Variants in NCOR2 observed in about 807,000 individuals in gnomAD.
NCOR2 encodes nuclear receptor corepressor 2, also known as CTG repeat protein 26.
A neutral mutation model predicts 262.9 loss-of-function variants in NCOR2; 81 were observed. The ratio of observed to expected loss-of-function variants is 0.31; its 90% CI spans 0.26 to 0.37. NCOR2 has a LOEUF of 0.37. Among genes scored for constraint, NCOR2 ranks in the 10% least tolerant of loss-of-function variants. The probability of loss-of-function intolerance (pLI) is 1.00; values close to 1 mark genes in which losing one functional copy is unlikely to be tolerated. For missense variants in NCOR2, 3,385 were observed against 3,621.4 expected, an observed-to-expected ratio of 0.93 and a Z score of 1.68; for synonymous variants, 1,659 against 1,559.3, an observed-to-expected ratio of 1.06 and a Z score of -1.51.
At chr12:124,422,598 G>T (rs772069908) in intron 11 of NCOR2, 43 bp from the exon 14 acceptor site, 2 of 1,610,016 alleles carry the variant, frequency 1.2e-6, no homozygotes. Flanking sequence ...GCCGAGGGGG[G>T]CTTTCCTGCG....
chr12:124,518,744 G>C (rs926725581), intron 1 of NCOR2, among the ~76,000 whole-genome samples: 1 of 152,224 alleles, frequency 6.6e-6, no homozygotes, highest in Admixed American at 6.5e-5. Context: ...TTTATAGCTC[G>C]GCTCTTCGCT....
intron 16 of NCOR2, chr12:124,388,875 AGGG>A (rs1232315041): frequency 3.5e-5 from 4 of 115,028 alleles, no homozygotes; most frequent in Non-Finnish European, 5.1e-5. Flanking sequence ...TGAGGGAGGG[AGGG>A]AGGGAGGGAG....
intron 30 of NCOR2, 41 bp downstream of exon 32, chr12:124,347,784 A>G (rs1298209516): frequency 5.2e-6 from 8 of 1,544,816 alleles, no homozygotes. Flanking sequence ...GTGACTGTAC[A>G]CCCGTTGGGG....
intron 5 of NCOR2, among the ~76,000 whole-genome samples, chr12:124,463,648 C>T (rs2046287851): frequency 6.6e-6 from 1 of 152,230 alleles, no homozygotes; most frequent in Non-Finnish European, 1.5e-5. Flanking sequence ...AAAACAGACC[C>T]TTGTCCTCCA....
intron 7 of NCOR2, among the ~76,000 whole-genome samples, chr12:124,448,581 T>C (rs1344201772): frequency 6.6e-6 from 1 of 152,172 alleles, no homozygotes; most frequent in African/African-American, 2.4e-5. Context: ...CAGGTGCTCC[T>C]GAACCCGAGA....
intron 26 of NCOR2, 118 bp downstream of exon 28, chr12:124,354,360 G>T: frequency 8.4e-7 from 1 of 1,188,788 alleles, no homozygotes; most frequent in Non-Finnish European, 1.2e-6. Context: ...CAGCTGTGAA[G>T]AGGGGCCCCC....
chr12:124,412,004 A>T (rs2042610562), intron 13 of NCOR2, among the ~76,000 whole-genome samples: 1 of 152,212 alleles, frequency 6.6e-6, no homozygotes, highest in Admixed American at 6.5e-5. Context: ...TTCCAGAAAG[A>T]GGATGGCACC....
chr12:124,362,604 TG>T (rs2038684244), intron 21 of NCOR2, among the ~76,000 whole-genome samples: 1 of 134,720 alleles, frequency 7.4e-6, no homozygotes, highest in East Asian at 2.3e-4. Flanking sequence ...CCCAGCTGCC[TG>T]GTGATGGACA....
Position 124,474,695 on chromosome 12 carries a change from C to T in NCOR2, c.412-1564G>A, listed in dbSNP as rs139516614. Among the ~76,000 whole-genome samples the T allele has an allele frequency of 6.7e-3, 1,024 of 152,292 alleles. 14 individuals are homozygous for T. Among genetic ancestry groups the T allele is most frequent in the African/African-American group, 0.021 (866 of 41,542 alleles). ...ATGGGGAGAACAGCTGGCACCTCCCCGGTCCTTGTGAGTCTTGAATGAGTT... is the reference window on the plus strand; with the variant it reads ...ATGGGGAGAACAGCTGGCACCTCCCTGGTCCTTGTGAGTCTTGAATGAGTT... On this transcript the variant is annotated intron_variant, in intron 3 of 46. Coordinates refer to ENST00000405201, the Ensembl canonical transcript of NCOR2.
intron 44 of NCOR2, chr12:124,329,100 T>C (rs1443981161): frequency 2.1e-6 from 1 of 470,338 alleles, no homozygotes; most frequent in Non-Finnish European, 4.4e-6. Context: ...AGGTGAAGTC[T>C]GACACAGGTT....
At chr12:124,559,204 C>T (rs1167786237) in intron 1 of NCOR2, among the ~76,000 whole-genome samples, 1 of 152,188 alleles carries the variant, frequency 6.6e-6, no homozygotes, top group Non-Finnish European at 1.5e-5. Flanking sequence ...GAAAGGCCAG[C>T]AGGAGAAGCA....
At chr12:124,473,157 G>A in intron 3 of NCOR2, 26 bp from the exon 6 acceptor site, 4 of 1,612,544 alleles carry the variant, frequency 2.5e-6, no homozygotes, top group Non-Finnish European at 3.4e-6. Context: ...AACGGGCATG[G>A]GGTCAGCACA....
At chr12:124,447,336 G>A (rs2045242831) in intron 7 of NCOR2, among the ~76,000 whole-genome samples, 1 of 152,252 alleles carries the variant, frequency 6.6e-6, no homozygotes, top group South Asian at 2.1e-4. Context: ...CTCTGAGGAA[G>A]ATTATGAGAT....
chr12:124,551,597 T>C (rs563283089), intron 1 of NCOR2, among the ~76,000 whole-genome samples: 106 of 152,276 alleles, frequency 7.0e-4, no homozygotes, highest in African/African-American at 2.5e-3. Context: ...CTCTCCTCTC[T>C]CCCCTGGCCG....
rs543005716 is a variant in NCOR2 at position 124,474,494 on chromosome 12, T to C, written c.412-1363A>G. On this transcript the variant is annotated intron_variant, in intron 3 of 46. Coordinates refer to ENST00000405201, the Ensembl canonical transcript of NCOR2. ...GACGCCTTCATCCCACCAGCTAAAG[T>C]CTGGTGCACCCAGGCTGTGCTGGAA... Among the ~76,000 whole-genome samples, 39 of 152,230 alleles carry C rather than the reference T, an allele frequency of 2.6e-4. 1 individual carries two copies. The South Asian group carries it at 7.9e-3, about 31-fold the overall frequency.
rs1370995131 is a variant in NCOR2, at chr12:124,340,790, G to GGA, written c.5189-41_5189-40dup. 2.0e-6 allele frequency: 3 copies of GGA among 1,473,494 alleles called. No homozygotes were observed. In the South Asian group the frequency reaches 4.4e-5, roughly 22 times the overall value. 91.3% of individuals were successfully genotyped at this position (1,473,494 alleles called of 1,614,324 possible). On this transcript the variant is annotated intron_variant, in intron 34 of 46. Coordinates refer to ENST00000405201, the Ensembl canonical transcript of NCOR2. Reference sequence around the variant, plus strand: ...TGGGCCAGGGCTGTAGCCACAGGGAGGAGAGAGGCCAGGCTGCCCACCGGC... The same window carrying GGA: ...TGGGCCAGGGCTGTAGCCACAGGGAGGAGAGAGAGGCCAGGCTGCCCACCGGC...
chr12:124,428,888 G>A (rs754673819), intron 10 of NCOR2, among the ~76,000 whole-genome samples: 3 of 152,226 alleles, frequency 2.0e-5, no homozygotes, highest in Non-Finnish European at 4.4e-5. Flanking sequence ...TGTGGTGTTA[G>A]GAGCAGGGGG....
intron 1 of NCOR2, among the ~76,000 whole-genome samples, chr12:124,520,405 A>G (rs748435678): frequency 1.3e-5 from 2 of 152,142 alleles, no homozygotes; most frequent in Non-Finnish European, 2.9e-5. Context: ...GTCAGGCCTC[A>G]CCACCTCCTT....
intron 3 of NCOR2, among the ~76,000 whole-genome samples, chr12:124,477,796 A>C (rs934430217): frequency 1.3e-5 from 2 of 152,020 alleles, no homozygotes; most frequent in Non-Finnish European, 2.9e-5. Flanking sequence ...ACAAAACAAC[A>C]AACTAATACA....
Sources: allele counts gnomAD v4.1 joint callset (sites outside exome capture counted in the v4.1 genomes callset), GRCh38; gene constraint gnomAD v4.1.1; transcripts MANE v1.5; gene names NCBI Gene and HGNC (gene_info 2026-07-23, HGNC 2026-07-21).